MTMR4: variants seen among roughly 807,000 people sequenced by gnomAD.
MTMR4 encodes myotubularin related protein 4.
In MTMR4, 30 loss-of-function variants were observed where a neutral mutation model predicts 125.5. The ratio of observed to expected loss-of-function variants is 0.24; its 90% CI spans 0.18 to 0.32. The LOEUF (loss-of-function observed/expected upper bound fraction) is 0.32. Among genes scored for constraint, MTMR4 ranks in the 10% least tolerant of loss-of-function variants. The pLI, the probability that MTMR4 is intolerant of heterozygous loss-of-function variation, is 1.00. For missense variants in MTMR4, 1,039 were observed against 1,511.5 expected (o/e 0.69, Z 5.18); for synonymous variants, 498 against 564.5 (o/e 0.88, Z 1.67).
chr17:58,514,553 C>T lies in MTMR4; in HGVS notation c.-146G>A, dbSNP rs1226651834. The T allele has an allele frequency of 3.0e-6, 3 of 984,966 alleles. No homozygotes were observed. Among genetic ancestry groups the T allele is most frequent in the African/African-American group, 3.5e-5 (2 of 57,172 alleles). The allele number at this position is 984,966 out of a possible 1,614,324, so 61.0% of individuals were successfully genotyped here. ...GCTAGGGCGCTGGTGGCCGGGCCTC[C>T]GCGCGGCTCCCGCGCGCCTCTCCCC... On this transcript the variant is annotated 5_prime_UTR_variant, in exon 1 of 18. Transcript: ENST00000682306.
intron 17 of MTMR4, 64 bp downstream of exon 17, chr17:58,492,447 G>T (rs1975338314): frequency 1.4e-6 from 2 of 1,431,590 alleles, no homozygotes; most frequent in Non-Finnish European, 2.0e-6. Context: ...GGCATTACAG[G>T]TGTGAGCCAC....
chr17:58,492,473 C>A (rs770855503), intron 17 of MTMR4, 38 bp downstream of exon 17: 4 of 1,479,522 alleles, frequency 2.7e-6, no homozygotes, highest in South Asian at 1.2e-5. Flanking sequence ...CTGGCCTGCC[C>A]TGTTTTTTGT....
At chr17:58,509,470 G>A (rs1373467276) in intron 4 of MTMR4, among the ~76,000 whole-genome samples, 1 of 148,742 alleles carries the variant, frequency 6.7e-6, no homozygotes, top group Non-Finnish European at 1.5e-5. Flanking sequence ...CCAGGCTGGA[G>A]TGTAGTGGCA....
upstream of MTMR4, chr17:58,514,950 A>C (rs1598230664): frequency 1.1e-6 from 1 of 936,064 alleles, no homozygotes; most frequent in African/African-American, 1.9e-5. Flanking sequence ...ACCTACCCGC[A>C]CCCCATTTGC....
At chr17:58,500,450 C>T (rs1027321895) in intron 14 of MTMR4, among the ~76,000 whole-genome samples, 1 of 150,948 alleles carries the variant, frequency 6.6e-6, no homozygotes, top group Non-Finnish European at 1.5e-5. Context: ...TTCTTATCTG[C>T]TTAGATGTTG....
chr17:58,492,841 C>G lies in MTMR4; in HGVS notation c.3363+1G>C. The stretch of plus-strand genomic sequence containing the variant: ...CCCACCACATATGTGCCTAAACATA[C>G]CTCAGTCTCTTTCTTATCAACAGGT... On this transcript the variant is annotated splice_donor_variant, in intron 16 of 17. Transcript: ENST00000682306. LOFTEE classifies it high-confidence loss of function. 1 of 1,613,620 alleles carries G rather than the reference C, an allele frequency of 6.2e-7. No individual in the cohort carries two copies. The highest frequency in any genetic ancestry group is 8.5e-7 in the Non-Finnish European group (1 of 1,179,516).
chr17:58,494,040 C>T (rs1164111349), intron 15 of MTMR4, among the ~76,000 whole-genome samples: 2 of 152,050 alleles, frequency 1.3e-5, no homozygotes, highest in Admixed American at 6.5e-5. Context: ...TTGGGCCGGG[C>T]GCAGTGGCTC....
intron 14 of MTMR4, among the ~76,000 whole-genome samples, chr17:58,498,092 G>A (rs1975519665): frequency 1.3e-5 from 2 of 152,018 alleles, no homozygotes; most frequent in Admixed American, 6.5e-5. Context: ...GCTGGGCATG[G>A]TGGTGCATGC....
chr17:58,491,462 A>T lies in MTMR4; in HGVS notation c.*201T>A, dbSNP rs1306906194. 3 of 483,736 alleles carry T rather than the reference A, an allele frequency of 6.2e-6. No homozygotes were observed. The highest frequency in any genetic ancestry group is 3.9e-5 in the African/African-American group (2 of 50,750). The allele number at this position is 483,736 out of a possible 1,614,324, so 30.0% of individuals were successfully genotyped here. On this transcript the variant is annotated 3_prime_UTR_variant, in exon 18 of 18. Coordinates refer to ENST00000682306, the MANE Select transcript of MTMR4 (RefSeq NM_001378067.1). ...GGTCTGGGTTAGGACCATTACCCCA[A>T]GGTGAGGGTATCACCAGTAGAGGAC...
Position 58,508,062 on chromosome 17 carries a change from T to C in MTMR4, c.707+99A>G. 1.2e-6 allele frequency: 1 copy of C among 818,198 alleles called. No homozygotes were observed. Among genetic ancestry groups the C allele is most frequent in the Non-Finnish European group, 2.0e-6 (1 of 492,052 alleles). 50.7% of individuals were successfully genotyped at this position (818,198 alleles called of 1,614,324 possible). On this transcript the variant is annotated intron_variant, in intron 7 of 17. Transcript: ENST00000682306. The surrounding 1 kb of genome is among the most constrained non-coding windows in gnomAD (Gnocchi z 4.8). Reference sequence around the variant, plus strand: ...TTATTTCATACTTCCCCATAGAGTGTCAATTCTCAGTCAACCAGGTTACCC... The same window carrying C: ...TTATTTCATACTTCCCCATAGAGTGCCAATTCTCAGTCAACCAGGTTACCC...
At chr17:58,498,030 C>T (rs1024296377) in intron 14 of MTMR4, among the ~76,000 whole-genome samples, 16 of 152,140 alleles carry the variant, frequency 1.1e-4, no homozygotes, top group African/African-American at 3.9e-4. Context: ...AAGTCCAAGA[C>T]CAGCCTGGCC....
At chr17:58,506,679 C>A (rs570914847) in intron 9 of MTMR4, 64 bp downstream of exon 9, 78 of 1,586,114 alleles carry the variant, frequency 4.9e-5, no homozygotes, top group East Asian at 2.9e-4. Context: ...TGGCCCCCAA[C>A]CCCCTCCTCA....
chr17:58,514,987 C>G, upstream of MTMR4: 1 of 984,780 alleles, frequency 1.0e-6, no homozygotes, highest in African/African-American at 1.7e-5. Flanking sequence ...AAAACCACTA[C>G]CCACCATGCC....
intron 3 of MTMR4, 69 bp from the exon 4 acceptor site, chr17:58,511,580 T>C (rs2143928771): frequency 1.5e-6 from 2 of 1,306,216 alleles, no homozygotes; most frequent in Middle Eastern, 1.8e-4. Context: ...CACCCTAGCG[T>C]AGGCACTAAT....
chr17:58,505,632 G>T, intron 9 of MTMR4, 49 bp from the exon 10 acceptor site: 1 of 1,402,430 alleles, frequency 7.1e-7, no homozygotes, highest in Non-Finnish European at 1.0e-6. Context: ...CCTAGGCCGG[G>T]CGCGGTGGCT....
intron 15 of MTMR4, among the ~76,000 whole-genome samples, chr17:58,494,564 C>A (rs573204476): frequency 4.6e-4 from 70 of 152,152 alleles, no homozygotes; most frequent in Non-Finnish European, 7.5e-4. Context: ...CACATATATA[C>A]TCGCATGTCC....
chr17:58,505,306 G>T (rs768256767), intron 10 of MTMR4, among the ~76,000 whole-genome samples, 166 bp downstream of exon 10: 1 of 152,186 alleles, frequency 6.6e-6, no homozygotes, highest in Admixed American at 6.5e-5. Flanking sequence ...CAAAGTGTTG[G>T]CTGAGAAGTG....
chr17:58,498,976 C>G (rs1458988429), intron 14 of MTMR4, among the ~76,000 whole-genome samples: 1 of 152,102 alleles, frequency 6.6e-6, no homozygotes, highest in East Asian at 1.9e-4. Flanking sequence ...GGACTCTTCC[C>G]CTCATATCTG....
At chr17:58,506,222 C>G (rs1458485731) in intron 9 of MTMR4, among the ~76,000 whole-genome samples, 2 of 152,160 alleles carry the variant, frequency 1.3e-5, no homozygotes, top group Admixed American at 1.3e-4. Context: ...CTCATGGTCA[C>G]CCAGGCTAGA....
Sources: gnomAD v4.1 joint callset for allele counts (sites outside exome capture counted in the v4.1 genomes callset) on GRCh38, gnomAD v4.1.1 for gene constraint, Gnocchi (gnomAD v3.1) non-coding constraint, MANE v1.5 for transcripts, NCBI Gene and HGNC (gene_info 2026-07-23, HGNC 2026-07-21) for gene names.